The following STAG1 variants were observed in gnomAD, a reference collection of about 807,000 sequenced individuals.
STAG1 encodes the protein STAG1 cohesin complex component.
In STAG1, 26 loss-of-function variants were observed where a neutral mutation model predicts 170.9. The ratio of observed to expected loss-of-function variants is 0.15; its 90% CI spans 0.11 to 0.21. The LOEUF is 0.21. Among genes scored for constraint, STAG1 ranks in the 10% least tolerant of loss-of-function variants. The pLI, the probability that STAG1 is intolerant of heterozygous loss-of-function variation, is 1.00. For synonymous variants in STAG1, 514 were observed against 497.7 expected (o/e 1.03, Z -0.44); for missense variants, 964 against 1,509.5 (o/e 0.64, Z 5.99).
At chr3:136,691,069 G>A (rs938654470) in intron 1 of STAG1, among the ~76,000 whole-genome samples, 19 of 151,928 alleles carry the variant, frequency 1.3e-4, no homozygotes, top group Middle Eastern at 3.4e-3. Context: ...AAGCCAAGGC[G>A]GGTGGAACAC....
At chr3:136,625,657 C>T (rs549010510) in intron 2 of STAG1, among the ~76,000 whole-genome samples, 1 of 152,290 alleles carries the variant, frequency 6.6e-6, no homozygotes, top group East Asian at 1.9e-4. Flanking sequence ...CTAACATAAT[C>T]CTACCTCAGC....
At chr3:136,478,876 T>C (rs2089835836) in intron 9 of STAG1, among the ~76,000 whole-genome samples, 2 of 152,156 alleles carry the variant, frequency 1.3e-5, no homozygotes, top group African/African-American at 4.8e-5. Flanking sequence ...TTCTGCTATT[T>C]ACTAGCTGTG....
At chr3:136,718,223 C>T (rs981948604) in intron 1 of STAG1, among the ~76,000 whole-genome samples, 14 of 151,860 alleles carry the variant, frequency 9.2e-5, no homozygotes, top group African/African-American at 1.2e-4. Context: ...TTTATCTTTA[C>T]GATATTGGGG....
chr3:136,435,378 T>C (rs898353089), intron 15 of STAG1, among the ~76,000 whole-genome samples: 11 of 152,192 alleles, frequency 7.2e-5, no homozygotes, highest in Non-Finnish European at 1.6e-4. Flanking sequence ...CATTCAAATA[T>C]ATGAACTCAG....
intron 3 of STAG1, among the ~76,000 whole-genome samples, chr3:136,617,647 T>C (rs112110059): frequency 6.7e-4 from 102 of 152,244 alleles, no homozygotes; most frequent in African/African-American, 2.4e-3. Context: ...TAACAGATTG[T>C]TAAAGGACAA....
At chr3:136,640,907 TC>T (rs1940773213) in intron 1 of STAG1, among the ~76,000 whole-genome samples, 1 of 152,156 alleles carries the variant, frequency 6.6e-6, no homozygotes, top group African/African-American at 2.4e-5. Flanking sequence ...ACTCCTCACC[TC>T]AGGTGATCTG....
intron 1 of STAG1, among the ~76,000 whole-genome samples, chr3:136,723,550 G>A (rs1350355924): frequency 1.3e-5 from 2 of 151,926 alleles, no homozygotes; most frequent in Admixed American, 6.5e-5. Flanking sequence ...CACCCCATCC[G>A]GGAGGGAAGT....
chr3:136,726,408 T>C (rs1335010051), intron 1 of STAG1, among the ~76,000 whole-genome samples: 1 of 152,190 alleles, frequency 6.6e-6, no homozygotes. Flanking sequence ...CGCCCTCAGT[T>C]GAGAACCACT....
intron 13 of STAG1, among the ~76,000 whole-genome samples, chr3:136,459,393 C>T (rs1017866838): frequency 6.6e-6 from 1 of 152,020 alleles, no homozygotes; most frequent in Non-Finnish European, 1.5e-5. Context: ...AAGAGAGTAA[C>T]TGCAATGTAA....
chr3:136,350,721 A>G (rs552922714), intron 28 of STAG1, among the ~76,000 whole-genome samples: 1 of 152,302 alleles, frequency 6.6e-6, no homozygotes, highest in South Asian at 2.1e-4. Context: ...ATGAAGAAGA[A>G]ACTGCAGCTG....
rs190392714 is a variant in STAG1 at position 136,396,864 on chromosome 3, G to A, written c.2277+1885C>T. ...AAAGTGGCTTTCATTACTAATAAAA[G>A]GTTAACTGTTATTTTTGTTTTTCAA... is the stretch of plus-strand genomic sequence containing the variant. On this transcript the variant is annotated intron_variant, in intron 22 of 33. Transcript: ENST00000383202. Among the ~76,000 whole-genome samples the A allele has an allele frequency of 8.3e-3, 1,256 of 152,160 alleles. 10 individuals carry two copies. Among genetic ancestry groups the A allele is most frequent in the Middle Eastern group, 0.014 (4 of 294 alleles).
intron 1 of STAG1, among the ~76,000 whole-genome samples, chr3:136,650,794 G>T (rs762565541): frequency 6.6e-6 from 1 of 152,034 alleles, no homozygotes; most frequent in Non-Finnish European, 1.5e-5. Flanking sequence ...TAGCAGGTAA[G>T]CAACAATGAG....
At chr3:136,578,385 C>A (rs1450372219) in intron 4 of STAG1, among the ~76,000 whole-genome samples, 1 of 152,154 alleles carries the variant, frequency 6.6e-6, no homozygotes, top group African/African-American at 2.4e-5. Flanking sequence ...GTGGGCAGCC[C>A]ACAAGAATAC....
intron 1 of STAG1, among the ~76,000 whole-genome samples, chr3:136,685,168 T>C (rs529438375): frequency 3.3e-5 from 5 of 152,112 alleles, no homozygotes; most frequent in African/African-American, 1.2e-4. Context: ...TACAAAAAAT[T>C]AGCCGGATGT....
At chr3:136,529,177 A>C (rs9869630) in intron 6 of STAG1, among the ~76,000 whole-genome samples, 29,512 of 152,048 alleles carry the variant, frequency 0.19, 3,184 homozygotes, top group Non-Finnish European at 0.24. Context: ...CAGAGCACCC[A>C]AATGTTCAAT....
At chr3:136,384,831 T>C (rs1471395055) in intron 22 of STAG1, among the ~76,000 whole-genome samples, 1 of 150,982 alleles carries the variant, frequency 6.6e-6, no homozygotes, top group Non-Finnish European at 1.5e-5. Context: ...TATTTATATA[T>C]AAACAAAAAA....
intron 9 of STAG1, among the ~76,000 whole-genome samples, chr3:136,478,781 G>T (rs1454533256): frequency 3.9e-5 from 6 of 152,156 alleles, no homozygotes; most frequent in East Asian, 1.9e-4. Flanking sequence ...TTTTTTGATA[G>T]TATCTTTTTC....
chr3:136,450,340 T>A (rs1443775837), intron 14 of STAG1, among the ~76,000 whole-genome samples: 1 of 152,184 alleles, frequency 6.6e-6, no homozygotes. Context: ...TTTAACAAGA[T>A]CCTCAGGTAA....
chr3:136,508,010 G>C (rs1044805676), intron 7 of STAG1, among the ~76,000 whole-genome samples: 4 of 152,204 alleles, frequency 2.6e-5, no homozygotes. Context: ...AGGTAGTGAA[G>C]TAGTAGAGAC....
Sources: gnomAD v4.1 joint callset for allele counts (sites outside exome capture counted in the v4.1 genomes callset) on GRCh38, gnomAD v4.1.1 for gene constraint, MANE v1.5 for transcripts, NCBI Gene and HGNC (gene_info 2026-07-23, HGNC 2026-07-21) for gene names.